The following CDK8 variants were observed in gnomAD, a reference collection of about 807,000 sequenced individuals.
CDK8 encodes cyclin-dependent kinase 8.
Under a neutral mutation model 71.5 loss-of-function variants are expected in CDK8, and 29 were observed. The ratio of observed to expected loss-of-function variants is 0.41; its 90% confidence interval spans 0.30 to 0.55. CDK8 has a LOEUF of 0.55. CDK8 is among the 20% of genes least tolerant of loss of function. The probability of loss-of-function intolerance (pLI) is 0.37; values close to 1 mark genes in which losing one functional copy is unlikely to be tolerated. For missense variants in CDK8, 288 were observed against 572.6 expected (o/e 0.50, Z 5.07); for synonymous variants, 161 against 192.1 (o/e 0.84, Z 1.34).
rs181966516 is a variant in CDK8 at position 26,275,200 on chromosome 13, T to G, written c.128+20431T>G. Among the ~76,000 whole-genome samples the G allele has an allele frequency of 3.1e-3, 473 of 152,346 alleles. 2 individuals carry two copies. The highest frequency in any genetic ancestry group is 9.5e-3 in the South Asian group (46 of 4,834). ...TCTTTTATAATAAAGATCTACAATA[T>G]CTGGGGTAAGACTGGAACCTTGATG... On this transcript the variant is annotated intron_variant, in intron 1 of 12. Coordinates refer to ENST00000381527, the MANE Select transcript of CDK8 (RefSeq NM_001260.3).
chr13:26,267,321 A>G (rs1381469327), intron 1 of CDK8, among the ~76,000 whole-genome samples: 1 of 152,220 alleles, frequency 6.6e-6, no homozygotes, highest in Non-Finnish European at 1.5e-5. Flanking sequence ...TTCAACAACT[A>G]TATTTCATTA....
chr13:26,344,711 C>G (rs1490182146), intron 2 of CDK8, among the ~76,000 whole-genome samples: 5 of 151,490 alleles, frequency 3.3e-5, no homozygotes, highest in Middle Eastern at 3.2e-3. Context: ...AAGATCATGC[C>G]ACTTCACTTC....
rs536024319 is a variant in CDK8, at chr13:26,276,900, A to G, written c.128+22131A>G. ...TGACTAAATTCAATAAAAACAACCA[A>G]ATTTTTCCTCCTTCACCCTTGAGTC... On this transcript the variant is annotated intron_variant, in intron 1 of 12. Coordinates refer to ENST00000381527, the MANE Select transcript of CDK8 (RefSeq NM_001260.3). Among the ~76,000 whole-genome samples, 16 of 152,286 alleles carry G rather than the reference A, an allele frequency of 1.1e-4. No homozygotes were observed. The South Asian group carries it at 3.3e-3, about 32-fold the overall frequency.
chr13:26,278,209 A>G (rs868338820), intron 1 of CDK8, among the ~76,000 whole-genome samples: 2 of 152,234 alleles, frequency 1.3e-5, no homozygotes, highest in African/African-American at 4.8e-5. Flanking sequence ...AGGAATCACT[A>G]TTTCTTAGAG....
chr13:26,260,249 T>C (rs1349747577), intron 1 of CDK8, among the ~76,000 whole-genome samples: 1 of 152,184 alleles, frequency 6.6e-6, no homozygotes, highest in East Asian at 1.9e-4. Flanking sequence ...AAATGTTCCA[T>C]TGTACCCGTT....
intron 1 of CDK8, among the ~76,000 whole-genome samples, chr13:26,330,055 G>A (rs58487796): frequency 0.036 from 5,407 of 151,980 alleles, 317 homozygotes; most frequent in African/African-American, 0.12. Context: ...GTGTGTGTGC[G>A]TGCCCAAATT....
chr13:26,286,832 T>G (rs1873045786), intron 1 of CDK8, among the ~76,000 whole-genome samples: 1 of 151,912 alleles, frequency 6.6e-6, no homozygotes, highest in African/African-American at 2.4e-5. Context: ...CATCAAAAAG[T>G]GGGCAAGGGA....
At chr13:26,352,061 C>G (rs1873700732) in intron 3 of CDK8, among the ~76,000 whole-genome samples, 1 of 151,668 alleles carries the variant, frequency 6.6e-6, no homozygotes, top group African/African-American at 2.4e-5. Flanking sequence ...GATTAATTAC[C>G]TTACCTCTCC....
intron 1 of CDK8, among the ~76,000 whole-genome samples, chr13:26,328,416 AGAATAT>A (rs1875125476): frequency 6.6e-6 from 1 of 152,218 alleles, no homozygotes; most frequent in Admixed American, 6.5e-5. Flanking sequence ...TGACTGTTCC[AGAATAT>A]TTTCCTATCT....
At chr13:26,375,860 C>T (rs1203669036) in intron 4 of CDK8, among the ~76,000 whole-genome samples, 1 of 152,076 alleles carries the variant, frequency 6.6e-6, no homozygotes, top group Non-Finnish European at 1.5e-5. Flanking sequence ...TCTGATAATT[C>T]TACTTTTGAG....
chr13:26,357,307 A>C (rs1318847614), intron 4 of CDK8, among the ~76,000 whole-genome samples: 1 of 152,214 alleles, frequency 6.6e-6, no homozygotes, highest in East Asian at 1.9e-4. Context: ...TGGGTGTTTT[A>C]AGAAATATGG....
At chr13:26,386,135 A>C (rs1386082484) in intron 6 of CDK8, among the ~76,000 whole-genome samples, 1 of 152,160 alleles carries the variant, frequency 6.6e-6, no homozygotes, top group Non-Finnish European at 1.5e-5. Context: ...GTGCTCTTAC[A>C]CTTCTTCCCC....
chr13:26,289,786 A>T (rs1030929645), intron 1 of CDK8, among the ~76,000 whole-genome samples: 2 of 151,206 alleles, frequency 1.3e-5, no homozygotes, highest in African/African-American at 4.9e-5. Context: ...TCCTGAGCTC[A>T]TGATCTGCCC....
At chr13:26,397,290 C>T (rs376350582) in intron 9 of CDK8, 65 bp downstream of exon 9, 5 of 975,746 alleles carry the variant, frequency 5.1e-6, no homozygotes, top group Non-Finnish European at 6.4e-6. Context: ...CCAACTGAGG[C>T]TTTTTTGGAT....
chr13:26,320,347 G>T (rs1432601322), intron 1 of CDK8, among the ~76,000 whole-genome samples: 1 of 152,008 alleles, frequency 6.6e-6, no homozygotes, highest in Non-Finnish European at 1.5e-5. Context: ...GTAATTCAGC[G>T]CAGCAGTGAG....
At chr13:26,277,890 C>G (rs960369304) in intron 1 of CDK8, among the ~76,000 whole-genome samples, 1 of 152,152 alleles carries the variant, frequency 6.6e-6, no homozygotes, top group Non-Finnish European at 1.5e-5. Context: ...AGCATATTCT[C>G]CCATATGGGT....
intron 1 of CDK8, among the ~76,000 whole-genome samples, chr13:26,291,407 C>T (rs960776405): frequency 1.3e-5 from 2 of 152,058 alleles, no homozygotes; most frequent in Non-Finnish European, 2.9e-5. Flanking sequence ...GAGTTGTTAA[C>T]GCTGGTCTTT....
intron 1 of CDK8, among the ~76,000 whole-genome samples, chr13:26,300,398 A>G (rs562513096): frequency 1.7e-4 from 26 of 152,290 alleles, no homozygotes; most frequent in African/African-American, 6.3e-4. Context: ...ATGAGATTTT[A>G]TGCTAACTCA....
intron 12 of CDK8, among the ~76,000 whole-genome samples, chr13:26,403,214 C>G (rs1876344065): frequency 6.6e-6 from 1 of 152,062 alleles, no homozygotes; most frequent in Non-Finnish European, 1.5e-5. Context: ...AAATAAGATT[C>G]AGTAGCTTAA....
Sources: allele counts gnomAD v4.1 joint callset (sites outside exome capture counted in the v4.1 genomes callset), GRCh38; gene constraint gnomAD v4.1.1; transcripts MANE v1.5; gene names NCBI Gene and HGNC (gene_info 2026-07-23, HGNC 2026-07-21).